PAPPA: variants seen among roughly 807,000 people sequenced by gnomAD.
PAPPA encodes the protein pappalysin 1.
PAPPA carries 60 observed loss-of-function variants against 164.0 expected under a neutral mutation model. That is an observed-to-expected ratio of 0.37 (90% confidence interval 0.30 to 0.45). The LOEUF is 0.45. Ranked by LOEUF, PAPPA falls within the 20% of genes least tolerant of loss-of-function variation. PAPPA has a pLI of 1.00. For missense variants in PAPPA, 1,782 were observed against 2,087.3 expected (o/e 0.85, Z 2.85); for synonymous variants, 875 against 814.1 (o/e 1.07, Z -1.27).
intron 19 of PAPPA, among the ~76,000 whole-genome samples, chr9:116,376,976 G>T (rs1035289853): frequency 1.3e-5 from 2 of 152,086 alleles, no homozygotes; most frequent in Non-Finnish European, 2.9e-5. Context: ...CATCTGCAAG[G>T]CTTGCTAAAA....
At chr9:116,171,494 C>G (rs1293579648) in intron 1 of PAPPA, among the ~76,000 whole-genome samples, 1 of 138,920 alleles carries the variant, frequency 7.2e-6, no homozygotes, top group African/African-American at 2.6e-5. Flanking sequence ...CCACTTTCAA[C>G]CCCCCCACCA....
intron 2 of PAPPA, among the ~76,000 whole-genome samples, chr9:116,194,164 G>A (rs1844076965): frequency 6.6e-6 from 1 of 152,152 alleles, no homozygotes; most frequent in Non-Finnish European, 1.5e-5. Flanking sequence ...AAGAATTCAG[G>A]TGAAACAGAT....
chr9:116,365,858 T>A (rs1304996953), intron 18 of PAPPA, among the ~76,000 whole-genome samples: 2 of 152,134 alleles, frequency 1.3e-5, no homozygotes, highest in Non-Finnish European at 1.5e-5. Flanking sequence ...CCTCTCTCTG[T>A]GTGGCTGCAC....
At chr9:116,186,712 G>A (rs912844811) in intron 1 of PAPPA, among the ~76,000 whole-genome samples, 3 of 151,850 alleles carry the variant, frequency 2.0e-5, no homozygotes, top group Non-Finnish European at 2.9e-5. Context: ...CTTTCACCTC[G>A]TATACTATAT....
intron 1 of PAPPA, among the ~76,000 whole-genome samples, chr9:116,182,005 A>G (rs982731153): frequency 6.6e-6 from 1 of 152,182 alleles, no homozygotes; most frequent in African/African-American, 2.4e-5. Context: ...ACGCCTTTAA[A>G]CAGCCTACAA....
chr9:116,199,402 C>T (rs1844144809), intron 2 of PAPPA, among the ~76,000 whole-genome samples: 1 of 152,238 alleles, frequency 6.6e-6, no homozygotes, highest in Non-Finnish European at 1.5e-5. Flanking sequence ...TTTCAGCTTC[C>T]CTCACTCCCA....
chr9:116,271,204 C>T lies in PAPPA; in HGVS notation c.2862-121C>T, dbSNP rs1845131133. ...GAAGATGAAGAAGCAGAGACTCAGA[C>T]AGAGAAAGGGATTTGTGCAAGGTCT... On this transcript the variant is annotated intron_variant, in intron 8 of 21. Coordinates refer to ENST00000328252, the MANE Select transcript of PAPPA (RefSeq NM_002581.5). This position sits in a 1 kb window ranked among gnomAD's most constrained non-coding sequence, Gnocchi z 4.2. 1.5e-6 allele frequency: 1 copy of T among 673,770 alleles called. No homozygotes were observed. Among genetic ancestry groups the T allele is most frequent in the African/African-American group, 1.8e-5 (1 of 55,440 alleles). 41.7% of individuals were successfully genotyped at this position (673,770 alleles called of 1,614,324 possible).
intron 21 of PAPPA, among the ~76,000 whole-genome samples, chr9:116,391,762 G>A (rs984861154): frequency 6.6e-6 from 1 of 152,208 alleles, no homozygotes; most frequent in Non-Finnish European, 1.5e-5. Flanking sequence ...GCCATTTATG[G>A]GACAGCCTAG....
At chr9:116,177,839 G>C (rs1843855236) in intron 1 of PAPPA, among the ~76,000 whole-genome samples, 1 of 152,170 alleles carries the variant, frequency 6.6e-6, no homozygotes, top group Non-Finnish European at 1.5e-5. Context: ...TATTGTTATA[G>C]TGTACTTCTT....
chr9:116,339,537 T>A (rs972657366), intron 13 of PAPPA, among the ~76,000 whole-genome samples: 3 of 152,150 alleles, frequency 2.0e-5, no homozygotes, highest in Non-Finnish European at 4.4e-5. Context: ...GGTCCTAGCA[T>A]AGTAGCTCTT....
At chr9:116,232,754 T>C (rs562797419) in intron 6 of PAPPA, among the ~76,000 whole-genome samples, 2 of 152,352 alleles carry the variant, frequency 1.3e-5, no homozygotes, top group Non-Finnish European at 2.9e-5. Flanking sequence ...GACTCTTTTT[T>C]ACATCTAAGG....
intron 2 of PAPPA, among the ~76,000 whole-genome samples, chr9:116,198,954 C>T (rs1350102024): frequency 1.3e-5 from 2 of 151,764 alleles, no homozygotes; most frequent in African/African-American, 2.4e-5. Flanking sequence ...ATTTATTCAT[C>T]GAAGTTACAC....
intron 7 of PAPPA, among the ~76,000 whole-genome samples, chr9:116,250,131 A>G (rs182896163): frequency 6.6e-6 from 1 of 152,088 alleles, no homozygotes; most frequent in African/African-American, 2.4e-5. Context: ...CCAATGTTCT[A>G]AAGAGGTCCC....
intron 3 of PAPPA, among the ~76,000 whole-genome samples, chr9:116,208,668 T>G (rs1262119107): frequency 6.6e-6 from 1 of 152,228 alleles, no homozygotes; most frequent in East Asian, 1.9e-4. Flanking sequence ...GCCTGCCTGG[T>G]CTCCTGGTGA....
chr9:116,341,139 C>G (rs1388447879), intron 13 of PAPPA, among the ~76,000 whole-genome samples: 1 of 151,992 alleles, frequency 6.6e-6, no homozygotes, highest in African/African-American at 2.4e-5. Context: ...CCTCCAGATT[C>G]AAGTGATTCT....
intron 4 of PAPPA, among the ~76,000 whole-genome samples, chr9:116,213,798 C>T (rs1844338954): frequency 6.6e-6 from 1 of 152,106 alleles, no homozygotes; most frequent in East Asian, 1.9e-4. Context: ...CTTACACCCA[C>T]AAAAGCATAT....
chr9:116,380,151 T>G (rs888707453), intron 20 of PAPPA, among the ~76,000 whole-genome samples: 3 of 152,212 alleles, frequency 2.0e-5, no homozygotes, highest in African/African-American at 7.2e-5. Flanking sequence ...ATTATGTGAT[T>G]AAAGTCTGTC....
At chr9:116,228,629 C>T (rs936550209) in intron 6 of PAPPA, among the ~76,000 whole-genome samples, 1 of 152,138 alleles carries the variant, frequency 6.6e-6, no homozygotes, top group Non-Finnish European at 1.5e-5. Context: ...CTTGGGAAGT[C>T]TAAACAAATC....
In PAPPA at chr9:116,188,087, A is replaced by G. The variant is rs781023312; in HGVS notation, c.1349A>G (p.Lys450Arg). ...CACCTGCGCCACCCTGCCTTCGTGA[A>G]GAAGCAGCACAACGGGGTGTGTGAC... ...CRHLRHPAFV[K>R]KQHNGVCDMD... The change falls in exon 2 of 22, where the codon AAG becomes AGG. Residue 450 changes from lysine to arginine, a missense_variant. By Grantham distance (26) the Lys-to-Arg change is conservative (BLOSUM62 2). This residue lies in a region of PAPPA where 1,324 missense variants were observed against 1,656.9 expected (regional missense o/e 0.80). Coordinates refer to ENST00000328252, the MANE Select transcript of PAPPA (RefSeq NM_002581.5). The G allele has an allele frequency of 1.2e-6, 2 of 1,614,244 alleles. No homozygotes were observed. The highest frequency in any genetic ancestry group is 2.2e-5 in the South Asian group (2 of 91,086).
Sources: gnomAD v4.1 joint callset for allele counts (sites outside exome capture counted in the v4.1 genomes callset) on GRCh38, gnomAD v4.1.1 for gene constraint, gnomAD v4.1.1 regional missense constraint, Gnocchi (gnomAD v3.1) non-coding constraint, MANE v1.5 for transcripts, NCBI Gene and HGNC (gene_info 2026-07-23, HGNC 2026-07-21) for gene names.